CTNNA3: variants seen among roughly 807,000 people sequenced by gnomAD.
The protein encoded by CTNNA3 is catenin alpha 3, also known as catenin alpha-3.
In CTNNA3, 76 loss-of-function variants were observed where a neutral mutation model predicts 95.7. That is an observed-to-expected ratio of 0.79 (90% CI 0.66 to 0.96). The LOEUF (loss-of-function observed/expected upper bound fraction) is 0.96. Ranked by LOEUF, CTNNA3 falls within the 40% of genes least tolerant of loss-of-function variation. CTNNA3 has a pLI of 0.00. For synonymous variants in CTNNA3, 431 were observed against 374.4 expected, an observed-to-expected ratio of 1.15 and a Z score of -1.74; for missense variants, 1,191 against 1,089.8, an observed-to-expected ratio of 1.09 and a Z score of -1.31.
At chr10:66,133,433 T>A (rs2083211826) in intron 13 of CTNNA3, among the ~76,000 whole-genome samples, 1 of 151,498 alleles carries the variant, frequency 6.6e-6, no homozygotes, top group Non-Finnish European at 1.5e-5. Flanking sequence ...GAGAATTGTT[T>A]GAATGGGGGT....
intron 5 of CTNNA3, among the ~76,000 whole-genome samples, chr10:67,355,091 T>G (rs1209399653): frequency 6.6e-6 from 1 of 152,056 alleles, no homozygotes; most frequent in African/African-American, 2.4e-5. Context: ...TTATTAACAA[T>G]AACACCACCA....
intron 13 of CTNNA3, among the ~76,000 whole-genome samples, chr10:66,225,219 CTAA>C (rs1392707601): frequency 6.6e-6 from 1 of 151,570 alleles, no homozygotes; most frequent in Non-Finnish European, 1.5e-5. Flanking sequence ...ATCCCAGCTT[CTAA>C]TAATCACAGT....
intron 5 of CTNNA3, among the ~76,000 whole-genome samples, chr10:67,248,239 C>T (rs770493592): frequency 9.9e-5 from 15 of 152,058 alleles, no homozygotes; most frequent in South Asian, 8.3e-4. Context: ...GTGTGGTATG[C>T]GGCAGGAGGA....
intron 11 of CTNNA3, among the ~76,000 whole-genome samples, chr10:66,502,447 T>A (rs72791580): frequency 0.16 from 24,767 of 152,024 alleles, 2,143 homozygotes; most frequent in African/African-American, 0.19. Context: ...AACATGCACT[T>A]TTTTTCCCAT....
At chr10:66,556,360 G>C (rs1394650190) in intron 10 of CTNNA3, among the ~76,000 whole-genome samples, 1 of 151,836 alleles carries the variant, frequency 6.6e-6, no homozygotes, top group Non-Finnish European at 1.5e-5. Flanking sequence ...TCCCTCTTTT[G>C]GTATATATCC....
At chr10:67,224,634 C>T (rs1268587745) in intron 5 of CTNNA3, among the ~76,000 whole-genome samples, 1 of 152,114 alleles carries the variant, frequency 6.6e-6, no homozygotes, top group Non-Finnish European at 1.5e-5. Context: ...GGAGAAGTTT[C>T]TGACCTTACC....
At chr10:66,712,664 C>A (rs569689575) in intron 9 of CTNNA3, among the ~76,000 whole-genome samples, 1 of 151,924 alleles carries the variant, frequency 6.6e-6, no homozygotes, top group Admixed American at 6.6e-5. Context: ...GGCTTACTAA[C>A]GCTATGGCAC....
intron 9 of CTNNA3, among the ~76,000 whole-genome samples, chr10:66,691,408 G>T (rs10822882): frequency 2.5e-4 from 38 of 152,180 alleles, no homozygotes; most frequent in South Asian, 2.1e-3. Context: ...GGCTGGGGGA[G>T]GGGCACCCAC....
intron 10 of CTNNA3, among the ~76,000 whole-genome samples, chr10:66,610,636 G>A (rs1844295704): frequency 6.6e-6 from 1 of 152,116 alleles, no homozygotes; most frequent in African/African-American, 2.4e-5. Flanking sequence ...AATAACACTA[G>A]CAAGGATGTG....
At chr10:66,671,630 C>T (rs1047933239) in intron 9 of CTNNA3, among the ~76,000 whole-genome samples, 5 of 152,130 alleles carry the variant, frequency 3.3e-5, no homozygotes, top group African/African-American at 1.2e-4. Context: ...AGTTACTGAC[C>T]TCCACATGAG....
chr10:67,682,115 G>A (rs147407234), intron 1 of CTNNA3, among the ~76,000 whole-genome samples: 2,046 of 145,732 alleles, frequency 0.014, 56 homozygotes, highest in African/African-American at 0.049. Context: ...CCGAGATTGC[G>A]CCATTGCACT....
At chr10:66,644,272 GT>G (rs1845615926) in intron 9 of CTNNA3, among the ~76,000 whole-genome samples, 1 of 103,050 alleles carries the variant, frequency 9.7e-6, no homozygotes, top group African/African-American at 4.3e-5. Flanking sequence ...CTGTCTGTCT[GT>G]CTGTCTGTCT....
chr10:66,604,351 G>A (rs916331515), intron 10 of CTNNA3, among the ~76,000 whole-genome samples: 1 of 152,044 alleles, frequency 6.6e-6, no homozygotes, highest in African/African-American at 2.4e-5. Context: ...GGGGCCCCCC[G>A]TTCCCCTGAC....
intron 5 of CTNNA3, among the ~76,000 whole-genome samples, chr10:67,307,311 A>G (rs1341348601): frequency 6.6e-6 from 1 of 152,260 alleles, no homozygotes; most frequent in Non-Finnish European, 1.5e-5. Context: ...AACTAGCAGA[A>G]AGCAGTATCT....
chr10:66,690,506 T>C (rs1847483001), intron 9 of CTNNA3, among the ~76,000 whole-genome samples: 1 of 148,928 alleles, frequency 6.7e-6, no homozygotes, highest in African/African-American at 2.5e-5. Context: ...CCCCAGAGTG[T>C]GATGTTCCCC....
intron 7 of CTNNA3, among the ~76,000 whole-genome samples, chr10:67,003,704 T>C (rs1851809414): frequency 6.6e-6 from 1 of 152,218 alleles, no homozygotes; most frequent in Non-Finnish European, 1.5e-5. Context: ...CCTGTCTTCA[T>C]GCAGAATTTG....
At chr10:66,092,390 C>T (rs946813429) in intron 14 of CTNNA3, among the ~76,000 whole-genome samples, 2 of 151,848 alleles carry the variant, frequency 1.3e-5, no homozygotes, top group Non-Finnish European at 2.9e-5. Context: ...TCTCATTCTA[C>T]TCAAAGTAAA....
intron 9 of CTNNA3, among the ~76,000 whole-genome samples, chr10:66,646,405 T>A (rs1845708718): frequency 6.6e-6 from 1 of 152,086 alleles, no homozygotes; most frequent in South Asian, 2.1e-4. Context: ...AAACAATAAC[T>A]CAGTCACAGC....
intron 2 of CTNNA3, among the ~76,000 whole-genome samples, chr10:67,614,400 A>G (rs963357936): frequency 6.6e-6 from 1 of 152,202 alleles, no homozygotes. Flanking sequence ...ACAACTCACC[A>G]TAATGTAGAA....
Sources: allele counts gnomAD v4.1 joint callset (sites outside exome capture counted in the v4.1 genomes callset), GRCh38; gene constraint gnomAD v4.1.1; transcripts MANE v1.5; gene names NCBI Gene and HGNC (gene_info 2026-07-23, HGNC 2026-07-21).